Variants in IQCM observed in about 807,000 individuals in gnomAD.
IQCM encodes IQ motif containing M, also known as IQ domain-containing protein M.
A neutral mutation model predicts 57.6 loss-of-function variants in IQCM; 45 were observed. That is an observed-to-expected ratio of 0.78 (90% CI 0.62 to 1.00). The LOEUF is 1.00. Ranked by LOEUF, IQCM falls within the 50% of genes least tolerant of loss-of-function variation. The pLI is 0.00. For synonymous variants in IQCM, 148 were observed against 158.9 expected (o/e 0.93, Z 0.51); for missense variants, 468 against 511.6 (o/e 0.91, Z 0.82).
intron 8 of IQCM, among the ~76,000 whole-genome samples, chr4:149,620,082 G>A (rs553232989): frequency 3.3e-5 from 5 of 152,166 alleles, no homozygotes; most frequent in East Asian, 1.9e-4. Flanking sequence ...ACTTAAACCC[G>A]GCAGGTGGAG....
chr4:149,454,147 GATAT>G (rs34730850), intron 12 of IQCM, among the ~76,000 whole-genome samples: 4 of 127,342 alleles, frequency 3.1e-5, no homozygotes, highest in Admixed American at 8.5e-5. Flanking sequence ...AAGAAAATGT[GATAT>G]ATATATATAT....
chr4:149,548,402 G>A (rs920926235), intron 12 of IQCM, 53 bp downstream of exon 12: 1 of 1,216,688 alleles, frequency 8.2e-7, no homozygotes, highest in African/African-American at 1.6e-5. Context: ...AAAGAGAAAA[G>A]AAAGAAGTTG....
At chr4:149,762,780 C>T (rs553664640) in intron 2 of IQCM, among the ~76,000 whole-genome samples, 2 of 152,002 alleles carry the variant, frequency 1.3e-5, no homozygotes, top group Non-Finnish European at 2.9e-5. Context: ...TCTCCACAGA[C>T]CTCTATAACA....
At chr4:149,794,752 T>C (rs897698878) in intron 2 of IQCM, among the ~76,000 whole-genome samples, 1 of 152,092 alleles carries the variant, frequency 6.6e-6, no homozygotes, top group Non-Finnish European at 1.5e-5. Flanking sequence ...AGCTGTAAGA[T>C]AAAGTCAAGA....
chr4:149,627,443 G>A (rs1302090624), intron 7 of IQCM, among the ~76,000 whole-genome samples: 1 of 151,964 alleles, frequency 6.6e-6, no homozygotes, highest in African/African-American at 2.4e-5. Flanking sequence ...AATAAACTAG[G>A]GCCTATATTA....
At chr4:149,706,952 A>C (rs1012036319) in intron 5 of IQCM, among the ~76,000 whole-genome samples, 5 of 152,020 alleles carry the variant, frequency 3.3e-5, no homozygotes, top group Non-Finnish European at 7.4e-5. Context: ...ATTTCCTAGA[A>C]TTTTGTGAAA....
chr4:149,621,339 AT>A, intron 7 of IQCM, 95 bp from the exon 8 acceptor site: 1 of 455,452 alleles, frequency 2.2e-6, no homozygotes. Context: ...AAAGCAAATC[AT>A]CTTTATGGCC....
chr4:149,536,494 T>A (rs536740754), intron 12 of IQCM, among the ~76,000 whole-genome samples: 1 of 152,048 alleles, frequency 6.6e-6, no homozygotes, highest in South Asian at 2.1e-4. Context: ...CATCTTACAA[T>A]GATTAACTCA....
chr4:149,583,316 T>C (rs1347690109), intron 9 of IQCM, among the ~76,000 whole-genome samples: 1 of 151,610 alleles, frequency 6.6e-6, no homozygotes, highest in African/African-American at 2.4e-5. Flanking sequence ...TTAACACTTA[T>C]ATCAATAATT....
At chr4:149,589,061 G>C (rs1263813415) in intron 8 of IQCM, among the ~76,000 whole-genome samples, 1 of 151,938 alleles carries the variant, frequency 6.6e-6, no homozygotes, top group East Asian at 1.9e-4. Context: ...CTGGGCCATT[G>C]CCTGTCTGGT....
intron 5 of IQCM, among the ~76,000 whole-genome samples, chr4:149,707,411 G>C (rs144026825): frequency 6.6e-6 from 1 of 152,118 alleles, no homozygotes; most frequent in African/African-American, 2.4e-5. Flanking sequence ...TGTTGGAAGA[G>C]GCTATCCACC....
intron 13 of IQCM, among the ~76,000 whole-genome samples, chr4:149,410,648 A>T (rs531617774): frequency 6.6e-6 from 1 of 151,840 alleles, no homozygotes; most frequent in South Asian, 2.1e-4. Flanking sequence ...TTTTTTTAAC[A>T]GGCAAATTGC....
chr4:149,572,350 G>A (rs1751238103), intron 9 of IQCM, among the ~76,000 whole-genome samples: 1 of 151,580 alleles, frequency 6.6e-6, no homozygotes, highest in Admixed American at 6.6e-5. Context: ...GCAGTGGTAC[G>A]ATCACAGCTC....
intron 13 of IQCM, among the ~76,000 whole-genome samples, chr4:149,383,944 A>C (rs2111047267): frequency 6.6e-6 from 1 of 152,042 alleles, no homozygotes; most frequent in Non-Finnish European, 1.5e-5. Flanking sequence ...GAAGAGCGAA[A>C]CTCCATCTCA....
At chr4:149,663,013 G>GT (rs1760362435) in intron 7 of IQCM, among the ~76,000 whole-genome samples, 1 of 151,744 alleles carries the variant, frequency 6.6e-6, no homozygotes, top group East Asian at 1.9e-4. Context: ...TAGATTGGTG[G>GT]TTTTTTTGTG....
Position 149,751,043 on chromosome 4 carries a change from C to T in IQCM, c.-48-8304G>A, listed in dbSNP as rs554964359. Reference sequence around the variant, plus strand: ...TACAAGGTCTGAAATGGTTTTGGAGCGTTTATATGTAAGGGATAGTTTCAA... The same window carrying T: ...TACAAGGTCTGAAATGGTTTTGGAGTGTTTATATGTAAGGGATAGTTTCAA... On this transcript the variant is annotated intron_variant, in intron 2 of 13. Transcript: ENST00000636793. 8.5e-5 allele frequency among the ~76,000 whole-genome samples: 13 copies of T among 152,056 alleles called. No homozygotes were observed. The South Asian group carries it at 1.0e-3, about 12-fold the overall frequency.
chr4:149,465,907 T>G (rs1217380496), intron 12 of IQCM, among the ~76,000 whole-genome samples: 2 of 152,098 alleles, frequency 1.3e-5, no homozygotes, highest in African/African-American at 2.4e-5. Flanking sequence ...CCAGTTTCCA[T>G]GAAATCAAGG....
At chr4:149,422,105 G>A (rs902925480) in intron 13 of IQCM, among the ~76,000 whole-genome samples, 1 of 151,874 alleles carries the variant, frequency 6.6e-6, no homozygotes, top group Non-Finnish European at 1.5e-5. Context: ...TGGGGGAAAA[G>A]TCATCATTCT....
chr4:149,558,578 C>A (rs1040841791), intron 10 of IQCM, among the ~76,000 whole-genome samples: 1 of 151,962 alleles, frequency 6.6e-6, no homozygotes, highest in Non-Finnish European at 1.5e-5. Context: ...CCATGAAGAA[C>A]AATAAAGTGT....
Sources: allele counts gnomAD v4.1 joint callset (sites outside exome capture counted in the v4.1 genomes callset), GRCh38; gene constraint gnomAD v4.1.1; transcripts MANE v1.5; gene names NCBI Gene and HGNC (gene_info 2026-07-23, HGNC 2026-07-21).